The following PCSK5 variants were observed in gnomAD, a reference collection of about 807,000 sequenced individuals.
The protein encoded by PCSK5 is proprotein convertase subtilisin/kexin type 5, also known as prohormone convertase 5.
A neutral mutation model predicts 233.2 loss-of-function variants in PCSK5; 129 were observed. The ratio of observed to expected loss-of-function variants is 0.55; its 90% CI spans 0.48 to 0.64. PCSK5 has a LOEUF of 0.64. Among genes scored for constraint, PCSK5 ranks in the 30% least tolerant of loss-of-function variants. PCSK5 has a pLI of 0.00. For synonymous variants in PCSK5, 825 were observed against 879.2 expected, an observed-to-expected ratio of 0.94 and a Z score of 1.09; for missense variants, 2,076 against 2,430.1, an observed-to-expected ratio of 0.85 and a Z score of 3.06.
At chr9:75,911,984 T>C (rs1211462908) in intron 1 of PCSK5, among the ~76,000 whole-genome samples, 1 of 152,104 alleles carries the variant, frequency 6.6e-6, no homozygotes, top group African/African-American at 2.4e-5. Flanking sequence ...GTGGTCGTAT[T>C]TTGCAGTCTA....
chr9:76,191,881 C>T (rs1824396567), intron 20 of PCSK5, among the ~76,000 whole-genome samples: 1 of 151,954 alleles, frequency 6.6e-6, no homozygotes, highest in Non-Finnish European at 1.5e-5. Flanking sequence ...GAAAGTGAGA[C>T]CAGCCTGAGC....
At chr9:75,929,233 G>C (rs1587375468) in intron 1 of PCSK5, among the ~76,000 whole-genome samples, 1 of 152,080 alleles carries the variant, frequency 6.6e-6, no homozygotes. Context: ...GTGCACAGCT[G>C]GATTCTGATT....
intron 8 of PCSK5, 115 bp downstream of exon 8, chr9:76,096,217 A>ACAC: frequency 9.0e-6 from 6 of 669,840 alleles, no homozygotes; most frequent in Non-Finnish European, 1.5e-5. Flanking sequence ...ACACACACAG[A>ACAC]AGTAATATAT....
Position 76,180,395 on chromosome 9 carries a change from T to A in PCSK5, c.2003+697T>A, listed in dbSNP as rs375113114. On this transcript the variant is annotated intron_variant, in intron 15 of 37. Coordinates refer to ENST00000674117, the MANE Select transcript of PCSK5 (RefSeq NM_001372043.1). ...GATGCCAATGCACAGGCCAAACTGA[T>A]GCTTTTCCACATTTTCCAGCACATA... Among the ~76,000 whole-genome samples, 78 of 152,256 alleles carry A rather than the reference T, an allele frequency of 5.1e-4. No homozygotes were observed. The South Asian group carries it at 0.016, about 31-fold the overall frequency.
chr9:75,999,156 A>C (rs2131422545), intron 3 of PCSK5, among the ~76,000 whole-genome samples: 2 of 152,172 alleles, frequency 1.3e-5, no homozygotes, highest in South Asian at 4.2e-4. Context: ...GGTTTGCTGC[A>C]CCCATCAACC....
At chr9:76,175,287 G>GAATCA in intron 14 of PCSK5, 158 bp downstream of exon 14, 1 of 592,184 alleles carries the variant, frequency 1.7e-6, no homozygotes, top group African/African-American at 2.1e-5. Context: ...GAATCGAATC[G>GAATCA]AATCGAATAG....
intron 5 of PCSK5, among the ~76,000 whole-genome samples, chr9:76,037,108 A>G (rs1563986561): frequency 6.6e-6 from 1 of 152,238 alleles, no homozygotes; most frequent in East Asian, 1.9e-4. Context: ...CATTTTGTGG[A>G]AGTAAATGAA....
At chr9:76,038,808 A>G (rs1828973128) in intron 5 of PCSK5, among the ~76,000 whole-genome samples, 1 of 152,222 alleles carries the variant, frequency 6.6e-6, no homozygotes, top group African/African-American at 2.4e-5. Context: ...ACTGAATGAC[A>G]CCATTCCTGG....
rs1824269993 is a variant in PCSK5, at chr9:76,189,634, T to G, written c.2514T>G (p.Cys838Trp). The change falls in exon 20 of 38, where the codon TGT (cysteine) becomes TGG (tryptophan). Residue 838 changes from cysteine (C) to tryptophan (W), a missense_variant. By Grantham distance (215) the Cys-to-Trp change is radical. Transcript: ENST00000674117. ...AAATTGTACATTTTTCTCATAGATG[T>G]GATATCAGTTGTTTGACGTGCAATG... Reference protein sequence around the residue: ...SENGYKSCKKCDISCLTCNGP... With the variant: ...SENGYKSCKKWDISCLTCNGP... 1 of 1,599,766 alleles carries G rather than the reference T, an allele frequency of 6.3e-7. No homozygotes were observed. Among genetic ancestry groups the G allele is most frequent in the African/African-American group, 1.3e-5 (1 of 74,618 alleles).
Position 76,362,210 on chromosome 9 carries a change from A to G in PCSK5, c.*3288A>G, listed in dbSNP as rs1830441376. ...TGATTGGAAAACAAAGTCACCTTTT[A>G]GTTTTCTACTTGGAAATATTAAGAG... is the stretch of plus-strand genomic sequence containing the variant. On this transcript the variant is annotated 3_prime_UTR_variant, in exon 38 of 38. Coordinates refer to ENST00000674117, the MANE Select transcript of PCSK5 (RefSeq NM_001372043.1). 1 of 152,208 alleles carries G rather than the reference A, an allele frequency of 6.6e-6. No homozygotes were observed. Among genetic ancestry groups the G allele is most frequent in the Non-Finnish European group, 1.5e-5 (1 of 68,034 alleles). The allele number at this position is 152,208 out of a possible 1,614,324, so 9.4% of individuals were successfully genotyped here. A position where few individuals can be genotyped will look rare whatever the true frequency, so the allele number is the denominator to read the frequency against.
intron 20 of PCSK5, among the ~76,000 whole-genome samples, chr9:76,226,863 T>C (rs1315165716): frequency 2.6e-5 from 4 of 152,230 alleles, no homozygotes; most frequent in Non-Finnish European, 5.9e-5. Flanking sequence ...TCCAAGAAAC[T>C]TGTGAGGCTG....
At chr9:76,344,803 G>T (rs577513504) in intron 35 of PCSK5, among the ~76,000 whole-genome samples, 1 of 152,128 alleles carries the variant, frequency 6.6e-6, no homozygotes, top group African/African-American at 2.4e-5. Flanking sequence ...AGTGGGCGGC[G>T]CAGTGCAGTG....
At chr9:75,904,998 A>G (rs1826197954) in intron 1 of PCSK5, among the ~76,000 whole-genome samples, 1 of 152,224 alleles carries the variant, frequency 6.6e-6, no homozygotes, top group South Asian at 2.1e-4. Flanking sequence ...ACATGCTACA[A>G]TGTAGATGAA....
intron 35 of PCSK5, among the ~76,000 whole-genome samples, chr9:76,339,986 T>TC (rs1379608538): frequency 6.6e-6 from 1 of 152,208 alleles, no homozygotes. Flanking sequence ...CCATGTTCTT[T>TC]CATTCCTCTA....
intron 10 of PCSK5, among the ~76,000 whole-genome samples, chr9:76,136,893 T>G (rs2131754357): frequency 1.3e-5 from 2 of 152,198 alleles, no homozygotes; most frequent in Middle Eastern, 3.4e-3. Context: ...CTAGACTTGA[T>G]AGTCTTTGTT....
At chr9:76,301,202 G>A (rs1400707896) in intron 27 of PCSK5, among the ~76,000 whole-genome samples, 1 of 150,436 alleles carries the variant, frequency 6.6e-6, no homozygotes, top group Non-Finnish European at 1.5e-5. Flanking sequence ...AACCTGGAAG[G>A]TGGAGGTTGC....
intron 3 of PCSK5, among the ~76,000 whole-genome samples, chr9:76,007,863 A>G (rs1237413077): frequency 6.6e-6 from 1 of 150,880 alleles, no homozygotes; most frequent in African/African-American, 2.4e-5. Context: ...CCACAAAAAA[A>G]TACAACATGG....
intron 5 of PCSK5, among the ~76,000 whole-genome samples, chr9:76,041,843 G>GAAAAA (rs66491707): frequency 7.6e-5 from 10 of 131,008 alleles, no homozygotes; most frequent in Non-Finnish European, 1.0e-4. Context: ...TGTCTCAAGG[G>GAAAAA]AAAAAAAAAA....
intron 20 of PCSK5, among the ~76,000 whole-genome samples, chr9:76,201,452 T>C (rs1824912349): frequency 6.6e-6 from 1 of 152,218 alleles, no homozygotes; most frequent in Non-Finnish European, 1.5e-5. Flanking sequence ...ATAGAAGGTC[T>C]GGGATTAATT....
Sources: allele counts gnomAD v4.1 joint callset (sites outside exome capture counted in the v4.1 genomes callset), GRCh38; gene constraint gnomAD v4.1.1; transcripts MANE v1.5; gene names NCBI Gene and HGNC (gene_info 2026-07-23, HGNC 2026-07-21).